RCHY1: variants seen among roughly 807,000 people sequenced by gnomAD.
RCHY1 encodes ring finger and CHY zinc finger domain containing 1.
A neutral mutation model predicts 41.6 loss-of-function variants in RCHY1; 21 were observed. The ratio of observed to expected loss-of-function variants is 0.51; its 90% CI spans 0.36 to 0.73. The LOEUF (loss-of-function observed/expected upper bound fraction) is 0.73. RCHY1 is among the 30% of genes least tolerant of loss of function. The pLI is 0.00. For missense variants in RCHY1, 265 were observed against 325.3 expected, an observed-to-expected ratio of 0.81 and a Z score of 1.43; for synonymous variants, 79 against 102.9, an observed-to-expected ratio of 0.77 and a Z score of 1.41.
chr4:75,509,023 C>A, intron 2 of RCHY1, 88 bp from the exon 3 acceptor site: 1 of 1,152,340 alleles, frequency 8.7e-7, no homozygotes, highest in Non-Finnish European at 1.2e-6. Context: ...CAACTATATG[C>A]AGTTTATTTT....
chr4:75,500,892 G>A (rs1038598239), intron 3 of RCHY1, among the ~76,000 whole-genome samples: 3 of 151,982 alleles, frequency 2.0e-5, no homozygotes, highest in Non-Finnish European at 4.4e-5. Flanking sequence ...CAAAAATACA[G>A]GAATTAATAC....
In RCHY1 at chr4:75,514,393, A is replaced by G. The variant is rs1052137914; in HGVS notation, c.-107T>C. The G allele has an allele frequency of 1.5e-6, 2 of 1,302,958 alleles. No homozygotes were observed. Among genetic ancestry groups the G allele is most frequent in the African/African-American group, 1.5e-5 (1 of 68,200 alleles). 80.7% of individuals were successfully genotyped at this position (1,302,958 alleles called of 1,614,324 possible). On this transcript the variant is annotated 5_prime_UTR_variant, in exon 1 of 9. Transcript: ENST00000324439. ...ACCCCTCCCAGCCCCAGCGGCCACTAGCGACAATATGGCTCCTAAGCACGT... is the reference window on the plus strand; with the variant it reads ...ACCCCTCCCAGCCCCAGCGGCCACTGGCGACAATATGGCTCCTAAGCACGT...
intron 8 of RCHY1, among the ~76,000 whole-genome samples, chr4:75,489,818 GAAC>G (rs546925851): frequency 7.0e-4 from 107 of 152,282 alleles, no homozygotes; most frequent in African/African-American, 2.4e-3. Context: ...GGGTCTCTGA[GAAC>G]AACATCAGAG....
At chr4:75,489,376 G>A (rs1340119790) in intron 8 of RCHY1, among the ~76,000 whole-genome samples, 2 of 152,154 alleles carry the variant, frequency 1.3e-5, no homozygotes, top group Non-Finnish European at 2.9e-5. Context: ...CTCTATTACA[G>A]TACCTAAAAG....
upstream of RCHY1, chr4:75,514,420 A>T (rs955183274): frequency 2.0e-5 from 20 of 1,011,896 alleles, no homozygotes; most frequent in Admixed American, 2.9e-5. Flanking sequence ...TAAGCACGTG[A>T]CCCGGGGCAG....
intron 4 of RCHY1, 102 bp downstream of exon 4, chr4:75,493,999 G>T: frequency 1.5e-6 from 1 of 688,476 alleles, no homozygotes; most frequent in Non-Finnish European, 2.4e-6. Context: ...AGTTGCACTT[G>T]GAAATACATG....
At chr4:75,483,026 C>G (rs897752501) in intron 8 of RCHY1, among the ~76,000 whole-genome samples, 1 of 152,050 alleles carries the variant, frequency 6.6e-6, no homozygotes, top group Non-Finnish European at 1.5e-5. Flanking sequence ...ATTTTTCAGT[C>G]AGAAATGTAT....
At chr4:75,511,824 A>C (rs1004729764) in intron 1 of RCHY1, among the ~76,000 whole-genome samples, 3 of 152,062 alleles carry the variant, frequency 2.0e-5, no homozygotes, top group Non-Finnish European at 4.4e-5. Context: ...AAAAAAAAAA[A>C]ACAAATATCT....
intron 8 of RCHY1, among the ~76,000 whole-genome samples, chr4:75,483,333 A>G (rs185815891): frequency 2.6e-5 from 4 of 152,344 alleles, no homozygotes; most frequent in South Asian, 2.1e-4. Context: ...GTCACACTAT[A>G]ATAAGCAGAA....
intron 3 of RCHY1, among the ~76,000 whole-genome samples, chr4:75,498,152 C>T (rs554060467): frequency 2.7e-5 from 4 of 147,554 alleles, no homozygotes; most frequent in Non-Finnish European, 4.5e-5. Flanking sequence ...AAAGAGAAGA[C>T]GTAAGAACTC....
At chr4:75,487,198 CA>C (rs1722094770) in intron 8 of RCHY1, among the ~76,000 whole-genome samples, 1 of 151,706 alleles carries the variant, frequency 6.6e-6, no homozygotes, top group South Asian at 2.1e-4. Flanking sequence ...CCTAACAATA[CA>C]AAAGTAAAAT....
intron 8 of RCHY1, among the ~76,000 whole-genome samples, chr4:75,483,452 TGA>T (rs1451361771): frequency 3.9e-5 from 6 of 152,194 alleles, no homozygotes; most frequent in Non-Finnish European, 8.8e-5. Context: ...CGTTAGGGAA[TGA>T]CTGCTAATGG....
intron 1 of RCHY1, among the ~76,000 whole-genome samples, chr4:75,513,510 C>A (rs1011827198): frequency 8.6e-5 from 13 of 151,938 alleles, no homozygotes; most frequent in African/African-American, 3.1e-4. Flanking sequence ...GGGGATAGGG[C>A]GGTTGAGGTT....
At position 75,505,982 on chromosome 4, in the gene RCHY1, C is replaced by T. The variant is rs566519300; in HGVS notation, c.326+2838G>A. Among the ~76,000 whole-genome samples, 74 of 151,906 alleles carry T rather than the reference C, an allele frequency of 4.9e-4. 2 individuals carry two copies. The South Asian group carries it at 0.015, about 30-fold the overall frequency. On this transcript the variant is annotated intron_variant, in intron 3 of 8. Transcript: ENST00000324439. ...TAAACCCTCTGAAAGTACTCCTATG[C>T]TAGGGGGCCAAAATTTGGAGTCCAG...
intron 8 of RCHY1, 141 bp from the exon 9 acceptor site, chr4:75,482,807 T>C: frequency 3.8e-6 from 2 of 520,366 alleles, no homozygotes; most frequent in Non-Finnish European, 3.0e-6. Flanking sequence ...TAGAAATTTC[T>C]TCTTATTTTT....
chr4:75,487,303 G>A (rs1409011257), intron 8 of RCHY1, among the ~76,000 whole-genome samples: 1 of 151,046 alleles, frequency 6.6e-6, no homozygotes. Context: ...ACAATAAAAA[G>A]AGGAGACAAG....
chr4:75,494,995 G>C (rs1002720607), intron 3 of RCHY1, among the ~76,000 whole-genome samples: 2 of 151,850 alleles, frequency 1.3e-5, no homozygotes, highest in Non-Finnish European at 2.9e-5. Flanking sequence ...TTCTACTGAA[G>C]TATTTGTTTT....
chr4:75,511,399 T>C (rs771757523), intron 1 of RCHY1, among the ~76,000 whole-genome samples: 3 of 152,232 alleles, frequency 2.0e-5, no homozygotes, highest in Non-Finnish European at 2.9e-5. Flanking sequence ...TTTTCATTTG[T>C]AGTGAGTCTC....
At chr4:75,510,637 A>G (rs1286167858) in intron 1 of RCHY1, among the ~76,000 whole-genome samples, 1 of 152,190 alleles carries the variant, frequency 6.6e-6, no homozygotes, top group Non-Finnish European at 1.5e-5. Flanking sequence ...TAGTTCTCAA[A>G]TGGTTTGGTC....
Sources: allele counts gnomAD v4.1 joint callset (sites outside exome capture counted in the v4.1 genomes callset), GRCh38; gene constraint gnomAD v4.1.1; transcripts MANE v1.5; gene names NCBI Gene and HGNC (gene_info 2026-07-23, HGNC 2026-07-21).